PDE10A: variants seen among roughly 807,000 people sequenced by gnomAD.
The protein encoded by PDE10A is cAMP and cAMP-inhibited cGMP 3',5'-cyclic phosphodiesterase 10A.
Under a neutral mutation model 97.7 loss-of-function variants are expected in PDE10A, and 39 were observed. That is an observed-to-expected ratio of 0.40 (90% CI 0.31 to 0.52). PDE10A has a LOEUF of 0.52. Among genes scored for constraint, PDE10A ranks in the 20% least tolerant of loss-of-function variants. PDE10A has a pLI of 0.56. For missense variants in PDE10A, 731 were observed against 1,047.8 expected, an observed-to-expected ratio of 0.70 and a Z score of 4.17; for synonymous variants, 371 against 376.8, an observed-to-expected ratio of 0.98 and a Z score of 0.18.
chr6:165,796,831 T>C lies in PDE10A; in HGVS notation c.-615+190698A>G, dbSNP rs1019380207. 1.3e-5 allele frequency among the ~76,000 whole-genome samples: 2 copies of C among 152,148 alleles called. 1 individual carries two copies. Among genetic ancestry groups the C allele is most frequent in the Non-Finnish European group, 2.9e-5 (2 of 68,030 alleles). On this transcript the variant is annotated intron_variant, in intron 1 of 19. Transcript: ENST00000366882. The stretch of plus-strand genomic sequence containing the variant: ...ACCAGCCCCAGCCCCACTTTCCCCC[T>C]CATTTTCAAGACATTGACAATGGGA...
intron 18 of PDE10A, among the ~76,000 whole-genome samples, chr6:165,351,089 G>A (rs1210073016): frequency 6.6e-6 from 1 of 152,106 alleles, no homozygotes; most frequent in Admixed American, 6.5e-5. Flanking sequence ...TAAGTGTAAG[G>A]TATTTGTGAA....
At chr6:165,832,067 T>C (rs1243425546) in intron 1 of PDE10A, among the ~76,000 whole-genome samples, 2 of 152,222 alleles carry the variant, frequency 1.3e-5, no homozygotes, top group Non-Finnish European at 1.5e-5. Context: ...ATCATGGAAG[T>C]TACAAAAGTG....
chr6:165,368,770 C>T (rs1473142280), intron 18 of PDE10A, among the ~76,000 whole-genome samples: 1 of 152,200 alleles, frequency 6.6e-6, no homozygotes, highest in Non-Finnish European at 1.5e-5. Context: ...GGGCAGACTG[C>T]CTCCTCAAGT....
chr6:165,804,552 G>T (rs1779064770), intron 1 of PDE10A, among the ~76,000 whole-genome samples: 1 of 152,166 alleles, frequency 6.6e-6, no homozygotes, highest in Non-Finnish European at 1.5e-5. Context: ...AGGAAGAAGA[G>T]GTCGTGGTGA....
chr6:165,415,013 G>T (rs563443639), intron 12 of PDE10A, among the ~76,000 whole-genome samples: 2 of 152,194 alleles, frequency 1.3e-5, no homozygotes, highest in African/African-American at 2.4e-5. Context: ...ATTAAATTGG[G>T]TTATCTTCTC....
chr6:165,895,455 C>G (rs921440502), intron 1 of PDE10A, among the ~76,000 whole-genome samples: 2 of 152,142 alleles, frequency 1.3e-5, no homozygotes, highest in Non-Finnish European at 2.9e-5. Flanking sequence ...TTGGAGAGAA[C>G]GCAGCCCTGC....
At chr6:165,631,309 A>AC (rs1788617664) in intron 1 of PDE10A, among the ~76,000 whole-genome samples, 1 of 152,234 alleles carries the variant, frequency 6.6e-6, no homozygotes, top group Non-Finnish European at 1.5e-5. Context: ...TTATACACAC[A>AC]CGTATGTATA....
chr6:165,690,047 TAGAATATCG>T (rs1344252015), intron 1 of PDE10A, among the ~76,000 whole-genome samples: 1 of 152,184 alleles, frequency 6.6e-6, no homozygotes, highest in African/African-American at 2.4e-5. Context: ...TAGTTAACTA[TAGAATATCG>T]AGTGTCTTAT....
In PDE10A at chr6:165,570,805, A is replaced by AAGTCCAAACACTG. The variant is rs546062460; in HGVS notation, c.866-27250_866-27238dup. Among the ~76,000 whole-genome samples the AAGTCCAAACACTG allele has an allele frequency of 2.4e-3, 361 of 152,310 alleles. 2 individuals are homozygous for AAGTCCAAACACTG. The highest frequency in any genetic ancestry group is 8.3e-3 in the African/African-American group (347 of 41,576). On this transcript the variant is annotated intron_variant, in intron 1 of 21. Coordinates refer to ENST00000539869, the MANE Select transcript of PDE10A (RefSeq NM_001385079.1). ...ATTATTAGTAGCATTATGTTCTATAAAGTCCAAACACTGAATCAGCAAATA... is the reference window on the plus strand; with the variant it reads ...ATTATTAGTAGCATTATGTTCTATAAAGTCCAAACACTGAGTCCAAACACTGAATCAGCAAATA...
intron 8 of PDE10A, among the ~76,000 whole-genome samples, chr6:165,430,988 T>C (rs1323285945): frequency 1.3e-5 from 2 of 152,206 alleles, no homozygotes; most frequent in African/African-American, 4.8e-5. Flanking sequence ...TGGTGATTTT[T>C]AAATTAGATA....
At chr6:165,438,516 C>T (rs181515421) in intron 5 of PDE10A, among the ~76,000 whole-genome samples, 225 of 152,266 alleles carry the variant, frequency 1.5e-3, no homozygotes, top group African/African-American at 5.0e-3. Flanking sequence ...GGTCTGTTTC[C>T]GAATTCCCAA....
At chr6:165,518,330 CAAT>C (rs909349527) in intron 2 of PDE10A, among the ~76,000 whole-genome samples, 5 of 152,166 alleles carry the variant, frequency 3.3e-5, no homozygotes, top group African/African-American at 1.2e-4. Context: ...CAGTCAACCA[CAAT>C]ATTAAATGGA....
At chr6:165,560,984 T>C (rs1459988075) in intron 1 of PDE10A, among the ~76,000 whole-genome samples, 7 of 151,744 alleles carry the variant, frequency 4.6e-5, no homozygotes, top group East Asian at 1.9e-4. Context: ...CTTTGGGAGG[T>C]TGAGGCGGGC....
At chr6:165,972,116 T>C (rs1784697463) in intron 1 of PDE10A, among the ~76,000 whole-genome samples, 1 of 152,128 alleles carries the variant, frequency 6.6e-6, no homozygotes, top group African/African-American at 2.4e-5. Flanking sequence ...AATACATAAT[T>C]ACTCCCCAAG....
At chr6:165,809,746 C>A (rs1308827519) in intron 1 of PDE10A, among the ~76,000 whole-genome samples, 1 of 152,164 alleles carries the variant, frequency 6.6e-6, no homozygotes, top group Non-Finnish European at 1.5e-5. Flanking sequence ...ACTGCATGGT[C>A]CCTTCCCAGC....
chr6:165,831,049 G>A (rs760214053), intron 1 of PDE10A, among the ~76,000 whole-genome samples: 26 of 152,052 alleles, frequency 1.7e-4, no homozygotes, highest in Non-Finnish European at 3.4e-4. Flanking sequence ...CTTTTAAACA[G>A]AGTCCTCTCC....
chr6:165,412,030 A>ATT (rs148655360), intron 13 of PDE10A, among the ~76,000 whole-genome samples: 1 of 150,328 alleles, frequency 6.7e-6, no homozygotes, highest in African/African-American at 2.4e-5. Context: ...AAAGTTTTCA[A>ATT]TTTTTTTTTT....
intron 18 of PDE10A, among the ~76,000 whole-genome samples, chr6:165,345,197 A>C (rs865780755): frequency 6.6e-6 from 1 of 152,230 alleles, no homozygotes; most frequent in Non-Finnish European, 1.5e-5. Context: ...AAACTTTCAT[A>C]AATCTGTAAA....
At chr6:165,958,754 A>AAAG (rs1784266404) in intron 1 of PDE10A, among the ~76,000 whole-genome samples, 1 of 147,146 alleles carries the variant, frequency 6.8e-6, no homozygotes, top group Non-Finnish European at 1.5e-5. Flanking sequence ...AAAGAGAAAG[A>AAAG]AAGAAAGAAA....
Sources: allele counts gnomAD v4.1 joint callset (sites outside exome capture counted in the v4.1 genomes callset), GRCh38; gene constraint gnomAD v4.1.1; transcripts MANE v1.5; gene names NCBI Gene and HGNC (gene_info 2026-07-23, HGNC 2026-07-21).